The following EVI5 variants were observed in gnomAD, a reference collection of about 807,000 sequenced individuals.
The protein encoded by EVI5 is ecotropic viral integration site 5.
In EVI5, 73 loss-of-function variants were observed where a neutral mutation model predicts 112.0. The observed-to-expected ratio is 0.65, with a 90% CI of 0.54 to 0.79. The LOEUF (loss-of-function observed/expected upper bound fraction) is 0.79. EVI5 is among the 30% of genes least tolerant of loss of function. EVI5 has a pLI of 0.00. For missense variants in EVI5, 900 were observed against 968.8 expected (o/e 0.93, Z 0.94); for synonymous variants, 305 against 319.9 (o/e 0.95, Z 0.50).
intron 18 of EVI5, among the ~76,000 whole-genome samples, chr1:92,586,699 A>AT (rs1672860591): frequency 7.1e-6 from 1 of 140,408 alleles, no homozygotes; most frequent in South Asian, 2.2e-4. Context: ...CTTATCTTCT[A>AT]TATTTCCTGT....
intron 14 of EVI5, among the ~76,000 whole-genome samples, chr1:92,628,401 T>C (rs1037848727): frequency 1.3e-5 from 2 of 152,230 alleles, no homozygotes; most frequent in Non-Finnish European, 2.9e-5. Flanking sequence ...AATCCTTGCC[T>C]AAGCAAACGT....
chr1:92,692,156 C>A (rs72968817), intron 9 of EVI5, among the ~76,000 whole-genome samples: 2 of 151,584 alleles, frequency 1.3e-5, no homozygotes, highest in African/African-American at 4.9e-5. Context: ...GGGGAGAGCA[C>A]GAATAAGGAA....
At chr1:92,776,346 G>A (rs541520746) in intron 1 of EVI5, among the ~76,000 whole-genome samples, 1 of 152,042 alleles carries the variant, frequency 6.6e-6, no homozygotes, top group South Asian at 2.1e-4. Flanking sequence ...AACTCAAAGA[G>A]CAACATTTGG....
chr1:92,773,386 AAC>A (rs1683700935), intron 1 of EVI5, among the ~76,000 whole-genome samples: 1 of 152,226 alleles, frequency 6.6e-6, no homozygotes, highest in Non-Finnish European at 1.5e-5. Flanking sequence ...CACAAAAGAA[AAC>A]ACACTGTTAT....
chr1:92,636,167 A>C (rs771991605), intron 14 of EVI5, 35 bp downstream of exon 14: 1 of 1,574,084 alleles, frequency 6.4e-7, no homozygotes, highest in East Asian at 2.3e-5. Flanking sequence ...ATCCCCTCTA[A>C]TTTGGGAATG....
chr1:92,545,351 T>C (rs6661134), intron 19 of EVI5, among the ~76,000 whole-genome samples: 129,274 of 151,762 alleles, frequency 0.85, 55,435 homozygotes, highest in East Asian at 0.97. Context: ...GCTGAGACTA[T>C]AGGCCATTGT....
chr1:92,736,367 G>A, intron 2 of EVI5, 31 bp downstream of exon 2: 2 of 1,378,914 alleles, frequency 1.5e-6, no homozygotes, highest in South Asian at 2.3e-5. Context: ...TTGTATAATT[G>A]GAGAGAAAAA....
At chr1:92,543,444 G>C (rs1665163051) in intron 19 of EVI5, among the ~76,000 whole-genome samples, 1 of 152,188 alleles carries the variant, frequency 6.6e-6, no homozygotes, top group Admixed American at 6.5e-5. Flanking sequence ...TGTTGTGGCT[G>C]GCTTGATCTT....
chr1:92,754,083 G>A (rs1446655232), intron 1 of EVI5, among the ~76,000 whole-genome samples: 5 of 152,122 alleles, frequency 3.3e-5, no homozygotes, highest in African/African-American at 4.8e-5. Context: ...CCCATAGCCA[G>A]GGTAGCATTA....
At position 92,511,298 on chromosome 1, in the gene EVI5, A is replaced by G. The variant is rs1443043130; in HGVS notation, c.*2358T>C. The G allele has an allele frequency of 6.6e-6, 1 of 151,830 alleles. No homozygotes were observed. The highest frequency in any genetic ancestry group is 6.6e-5 in the Admixed American group (1 of 15,252). 9.4% of individuals were successfully genotyped at this position (151,830 alleles called of 1,614,324 possible). On this transcript the variant is annotated 3_prime_UTR_variant, in exon 20 of 20. Transcript: ENST00000684568. ...ACCCCATCTCTACTAAAAATACAAA[A>G]ATTAGCCAGTTGTGGTGGCGTGCAC...
intron 1 of EVI5, chr1:92,784,624 G>A (rs1017396074): frequency 3.3e-6 from 1 of 306,962 alleles, no homozygotes; most frequent in Admixed American, 6.5e-5. Flanking sequence ...CCACGAGAAG[G>A]AGGGCTGCGG....
intron 2 of EVI5, among the ~76,000 whole-genome samples, chr1:92,726,301 T>C (rs1558154033): frequency 6.6e-6 from 1 of 152,012 alleles, no homozygotes; most frequent in South Asian, 2.1e-4. Context: ...AAAAGAGACA[T>C]ATACAAAGAA....
chr1:92,770,662 T>C (rs555197987), intron 1 of EVI5, among the ~76,000 whole-genome samples: 12 of 151,368 alleles, frequency 7.9e-5, no homozygotes, highest in East Asian at 5.9e-4. Context: ...TGGTGGCAGG[T>C]GCCTGTAGTC....
intron 18 of EVI5, among the ~76,000 whole-genome samples, chr1:92,600,726 T>A (rs953591989): frequency 1.3e-5 from 2 of 152,170 alleles, no homozygotes; most frequent in Non-Finnish European, 2.9e-5. Context: ...ATGATGCCAC[T>A]GATCTGACAG....
At chr1:92,594,568 G>C (rs1647222835) in intron 18 of EVI5, among the ~76,000 whole-genome samples, 1 of 150,878 alleles carries the variant, frequency 6.6e-6, no homozygotes, top group Non-Finnish European at 1.5e-5. Context: ...TGACAAATGG[G>C]ATCTAATTAA....
intron 1 of EVI5, among the ~76,000 whole-genome samples, chr1:92,776,350 C>T (rs1038908032): frequency 3.3e-5 from 5 of 151,960 alleles, no homozygotes; most frequent in African/African-American, 4.8e-5. Context: ...CAAAGAGCAA[C>T]ATTTGGGAAG....
chr1:92,695,151 A>G lies in EVI5; in HGVS notation c.909+159T>C, dbSNP rs1410299125. Among the ~76,000 whole-genome samples, 4 of 152,194 alleles carry G rather than the reference A, an allele frequency of 2.6e-5. No individual in the cohort carries two copies. The East Asian group carries it at 7.7e-4, about 29-fold the overall frequency. ...AACAAATGCAATAAAAACAGTATCT[A>G]CCTGATAGGGTTATTATAAGGTTTA... On this transcript the variant is annotated intron_variant, in intron 7 of 19. Transcript: ENST00000684568.
chr1:92,593,468 G>C (rs993518429), intron 18 of EVI5, among the ~76,000 whole-genome samples: 2 of 152,196 alleles, frequency 1.3e-5, no homozygotes, highest in South Asian at 2.1e-4. Flanking sequence ...ATATCATATT[G>C]AATGGGCAAA....
At chr1:92,770,310 A>G (rs1322471456) in intron 1 of EVI5, among the ~76,000 whole-genome samples, 1 of 152,214 alleles carries the variant, frequency 6.6e-6, no homozygotes. Flanking sequence ...TCCATCATAT[A>G]AATATAAATG....
Sources: allele counts gnomAD v4.1 joint callset (sites outside exome capture counted in the v4.1 genomes callset), GRCh38; gene constraint gnomAD v4.1.1; transcripts MANE v1.5; gene names NCBI Gene and HGNC (gene_info 2026-07-23, HGNC 2026-07-21).